Variants in GABRB2 observed in about 807,000 individuals in gnomAD.
GABRB2 encodes the protein gamma-aminobutyric acid type A receptor subunit beta2.
Under a neutral mutation model 54.7 loss-of-function variants are expected in GABRB2, and 16 were observed. That is an observed-to-expected ratio of 0.29 (90% CI 0.20 to 0.44). The LOEUF (loss-of-function observed/expected upper bound fraction) is 0.44. GABRB2 is among the 20% of genes least tolerant of loss of function. GABRB2 has a pLI of 1.00. For missense variants in GABRB2, 355 were observed against 644.0 expected, an observed-to-expected ratio of 0.55 and a Z score of 4.86; for synonymous variants, 244 against 233.8, an observed-to-expected ratio of 1.04 and a Z score of -0.40.
intron 3 of GABRB2, among the ~76,000 whole-genome samples, chr5:161,531,734 A>C (rs1250058451): frequency 6.6e-6 from 1 of 151,084 alleles, no homozygotes; most frequent in Non-Finnish European, 1.5e-5. Context: ...TGAGAAATTA[A>C]AAAAAAAACC....
chr5:161,443,907 T>C (rs1260711838), intron 4 of GABRB2, among the ~76,000 whole-genome samples: 2 of 152,146 alleles, frequency 1.3e-5, no homozygotes, highest in Admixed American at 6.6e-5. Flanking sequence ...GTAAGAAATA[T>C]AATTTATTCA....
intron 5 of GABRB2, among the ~76,000 whole-genome samples, chr5:161,358,883 G>A (rs1451025618): frequency 7.9e-5 from 12 of 152,130 alleles, no homozygotes; most frequent in African/African-American, 7.2e-5. Context: ...TTCCAGCAAC[G>A]TCCAAGGCCT....
chr5:161,370,707 T>C (rs946485234), intron 5 of GABRB2, among the ~76,000 whole-genome samples: 1 of 152,202 alleles, frequency 6.6e-6, no homozygotes, highest in Admixed American at 6.5e-5. Flanking sequence ...ATAGTCTAGA[T>C]ACTTCAGAAA....
intron 4 of GABRB2, among the ~76,000 whole-genome samples, chr5:161,456,600 G>GT (rs1757961809): frequency 6.6e-6 from 1 of 152,142 alleles, no homozygotes; most frequent in South Asian, 2.1e-4. Context: ...GAGCAGCTGT[G>GT]TAATTTTGTC....
chr5:161,367,024 A>G (rs1356891750), intron 5 of GABRB2, among the ~76,000 whole-genome samples: 1 of 152,216 alleles, frequency 6.6e-6, no homozygotes, highest in Non-Finnish European at 1.5e-5. Context: ...ATATTGTTTA[A>G]AGAAAAATCA....
intron 3 of GABRB2, among the ~76,000 whole-genome samples, chr5:161,462,976 C>T (rs1693382238): frequency 6.6e-6 from 1 of 152,074 alleles, no homozygotes; most frequent in Non-Finnish European, 1.5e-5. Flanking sequence ...GAACTTGTCT[C>T]AGAGTTGGTT....
intron 5 of GABRB2, among the ~76,000 whole-genome samples, chr5:161,345,372 A>G (rs1407194719): frequency 6.6e-6 from 1 of 152,032 alleles, no homozygotes; most frequent in East Asian, 1.9e-4. Flanking sequence ...CCAGTTGGGG[A>G]AGTGAGAATT....
At chr5:161,521,025 T>C (rs2113429915) in intron 3 of GABRB2, among the ~76,000 whole-genome samples, 1 of 152,108 alleles carries the variant, frequency 6.6e-6, no homozygotes, top group Non-Finnish European at 1.5e-5. Context: ...ACATCCATGA[T>C]TTACAACACT....
intron 5 of GABRB2, among the ~76,000 whole-genome samples, chr5:161,371,247 C>G (rs967885157): frequency 8.8e-5 from 13 of 148,410 alleles, no homozygotes; most frequent in African/African-American, 3.4e-4. Context: ...TTAGAAAGAC[C>G]TCAAAGTTAA....
At chr5:161,376,499 G>T (rs984076380) in intron 5 of GABRB2, among the ~76,000 whole-genome samples, 2 of 152,166 alleles carry the variant, frequency 1.3e-5, no homozygotes, top group East Asian at 3.9e-4. Context: ...GTTGAGGAAA[G>T]ATAATAAAAA....
intron 4 of GABRB2, among the ~76,000 whole-genome samples, chr5:161,449,910 G>T (rs1010680774): frequency 6.6e-6 from 1 of 152,050 alleles, no homozygotes; most frequent in Middle Eastern, 3.4e-3. Flanking sequence ...GACTCAGAAG[G>T]TTCACTCCTA....
At chr5:161,436,276 C>A (rs1580984263) in intron 4 of GABRB2, among the ~76,000 whole-genome samples, 1 of 152,190 alleles carries the variant, frequency 6.6e-6, no homozygotes, top group African/African-American at 2.4e-5. Context: ...CTCACACTTG[C>A]AATCCCAGCA....
intron 5 of GABRB2, among the ~76,000 whole-genome samples, chr5:161,356,141 C>T (rs1435507482): frequency 6.6e-6 from 1 of 152,072 alleles, no homozygotes; most frequent in Non-Finnish European, 1.5e-5. Flanking sequence ...CAACAGTAAA[C>T]TAATGTTTTG....
At chr5:161,506,743 C>G (rs1759617162) in intron 3 of GABRB2, among the ~76,000 whole-genome samples, 1 of 152,022 alleles carries the variant, frequency 6.6e-6, no homozygotes, top group South Asian at 2.1e-4. Context: ...GAAAAAGAGA[C>G]AAGTAGAGCA....
chr5:161,459,287 TCAAA>T (rs1405413454), intron 4 of GABRB2: 5 of 303,550 alleles, frequency 1.6e-5, no homozygotes, highest in African/African-American at 8.6e-5. Context: ...TCTCCCATAT[TCAAA>T]CAATTAGTTG....
intron 4 of GABRB2, among the ~76,000 whole-genome samples, chr5:161,449,174 C>G (rs1757721661): frequency 1.3e-5 from 2 of 152,118 alleles, no homozygotes; most frequent in Admixed American, 1.3e-4. Context: ...GAGTAAGTGA[C>G]TTAGATCATG....
intron 9 of GABRB2, among the ~76,000 whole-genome samples, chr5:161,296,027 C>T (rs1028241980): frequency 1.3e-5 from 2 of 152,210 alleles, no homozygotes; most frequent in African/African-American, 4.8e-5. Context: ...TTTGCAGCAA[C>T]TGATTCATTG....
chr5:161,412,543 A>T (rs557718697), intron 4 of GABRB2, among the ~76,000 whole-genome samples: 1 of 152,154 alleles, frequency 6.6e-6, no homozygotes, highest in African/African-American at 2.4e-5. Context: ...TTTTAAAAAC[A>T]TAAATTAGAT....
rs562752209 is a variant in GABRB2 at position 161,479,779 on chromosome 5, G to A, written c.238-19935C>T. 2.0e-5 allele frequency among the ~76,000 whole-genome samples: 3 copies of A among 151,792 alleles called. No homozygotes were observed. The East Asian group carries it at 5.9e-4, about 30-fold the overall frequency. On this transcript the variant is annotated intron_variant, in intron 3 of 9. Coordinates refer to ENST00000393959, the MANE Select transcript of GABRB2 (RefSeq NM_001371727.1). ...TAATTTTTGGATTTTTAGTAGAGAC[G>A]GGGTTTCACCATGTTGGTCAGGCTG...
Sources: allele counts gnomAD v4.1 joint callset (sites outside exome capture counted in the v4.1 genomes callset), GRCh38; gene constraint gnomAD v4.1.1; transcripts MANE v1.5; gene names NCBI Gene and HGNC (gene_info 2026-07-23, HGNC 2026-07-21).